Variants in NTN5 observed in about 807,000 individuals in gnomAD.
NTN5 encodes the protein netrin-5.
NTN5 carries 42 observed loss-of-function variants against 38.7 expected under a neutral mutation model. The ratio of observed to expected loss-of-function variants is 1.08; its 90% CI spans 0.85 to 1.40. The LOEUF is 1.40. Among genes scored for constraint, NTN5 ranks in the 40% most tolerant of loss-of-function variants. NTN5 has a pLI of 0.00. For missense variants in NTN5, 658 were observed against 716.5 expected (o/e 0.92, Z 0.93); for synonymous variants, 329 against 303.9 (o/e 1.08, Z -0.86).
chr19:48,663,741 TC>T lies in NTN5; in HGVS notation c.1024+19del, dbSNP rs1308509287. The T allele has an allele frequency of 7.4e-6, 12 of 1,612,844 alleles. No individual in the cohort carries two copies. Among genetic ancestry groups the T allele is most frequent in the Non-Finnish European group, 7.6e-6 (9 of 1,178,980 alleles). ...CATTCCCACTTGCCACTCAGGGACC[TC>T]CGTGCCAGACTGTCTTACCAGAGCT... is the stretch of plus-strand genomic sequence containing the variant. On this transcript the variant is annotated intron_variant, in intron 5 of 6. Coordinates refer to ENST00000270235, the MANE Select transcript of NTN5 (RefSeq NM_145807.4).
chr19:48,671,641 A>T (rs2031964688), intron 1 of NTN5, among the ~76,000 whole-genome samples: 1 of 151,376 alleles, frequency 6.6e-6, no homozygotes, highest in Non-Finnish European at 1.5e-5. Flanking sequence ...GGCCCTGGGG[A>T]GGGGAGGGAA....
At chr19:48,662,149 T>G (rs2031568004) in intron 6 of NTN5, 108 bp from the exon 7 acceptor site, 1 of 1,186,586 alleles carries the variant, frequency 8.4e-7, no homozygotes, top group East Asian at 3.7e-5. Context: ...GTGGGTGGGC[T>G]TCTGGTATCG....
At position 48,670,895 on chromosome 19, in the gene NTN5, G is replaced by A. The variant is rs770996023; in HGVS notation, c.92C>T (p.Pro31Leu). ...CACGGCAGCCAGCTGTGTCACTGGC[G>A]GGAGGCAGAATTGGGGGCGGCCCTG... ...DPQGRPQFCLPPVTQLAAVAA... is the reference protein window; with the variant it reads ...DPQGRPQFCLLPVTQLAAVAA... Residue 31 changes from proline to leucine, a missense_variant, in exon 2 of 7, where the codon CCG (proline) becomes CTG (leucine). Physicochemically the swap from Pro to Leu is moderately conservative, Grantham distance 98 (BLOSUM62 -3). Transcript: ENST00000270235. 21 of 1,608,406 alleles carry A rather than the reference G, an allele frequency of 1.3e-5. No homozygotes were observed. The highest frequency in any genetic ancestry group is 5.3e-5 in the African/African-American group (4 of 74,880).
At chr19:48,669,145 C>T (rs1303851251) in intron 2 of NTN5, among the ~76,000 whole-genome samples, 1 of 116,002 alleles carries the variant, frequency 8.6e-6, no homozygotes, top group South Asian at 2.9e-4. Flanking sequence ...ATATCACCAT[C>T]ATCACCACCA....
intron 6 of NTN5, 86 bp from the exon 7 acceptor site, chr19:48,662,127 A>G (rs2031567146): frequency 1.6e-6 from 2 of 1,278,370 alleles, no homozygotes; most frequent in Non-Finnish European, 2.0e-6. Flanking sequence ...AGTGGGCAGG[A>G]GCCCGAGACC....
intron 2 of NTN5, 69 bp downstream of exon 2, chr19:48,670,287 C>T (rs941303424): frequency 3.9e-5 from 52 of 1,343,372 alleles, no homozygotes; most frequent in Non-Finnish European, 4.7e-5. Flanking sequence ...GAACATCCTG[C>T]TCCCGTAGGG....
intron 6 of NTN5, 144 bp from the exon 7 acceptor site, chr19:48,662,185 T>A: frequency 4.4e-6 from 4 of 907,186 alleles, no homozygotes; most frequent in Non-Finnish European, 6.0e-6. Context: ...CCTTGAACCT[T>A]GGAGAGTTTG....
intron 1 of NTN5, among the ~76,000 whole-genome samples, chr19:48,672,129 A>G (rs1367010142): frequency 6.6e-6 from 1 of 152,124 alleles, no homozygotes; most frequent in African/African-American, 2.4e-5. Context: ...CCCAGAGCAG[A>G]TGGGGGAACA....
At chr19:48,666,901 T>G (rs1052252232) in intron 2 of NTN5, among the ~76,000 whole-genome samples, 1 of 151,974 alleles carries the variant, frequency 6.6e-6, no homozygotes, top group Admixed American at 6.6e-5. Flanking sequence ...CCCAGGCTCA[T>G]GGACACTCTT....
intron 6 of NTN5, 80 bp downstream of exon 6, chr19:48,663,383 A>C: frequency 8.3e-7 from 1 of 1,204,190 alleles, no homozygotes; most frequent in Non-Finnish European, 1.2e-6. Flanking sequence ...AGAAAGTGGA[A>C]GGCCAGAAAG....
chr19:48,669,441 C>T (rs1461597105), intron 2 of NTN5, among the ~76,000 whole-genome samples: 2 of 43,632 alleles, frequency 4.6e-5, no homozygotes, highest in Non-Finnish European at 5.1e-5. Flanking sequence ...ACCACCACCA[C>T]CACCATCACC....
intron 2 of NTN5, among the ~76,000 whole-genome samples, chr19:48,669,513 T>C (rs865860566): frequency 4.2e-4 from 11 of 25,984 alleles, no homozygotes; most frequent in Admixed American, 8.2e-4. Context: ...ACGACCATCA[T>C]CACCACCACC....
At chr19:48,664,408 C>G (rs962450569) in intron 3 of NTN5, 116 bp from the exon 4 acceptor site, 2 of 1,411,220 alleles carry the variant, frequency 1.4e-6, no homozygotes, top group African/African-American at 1.4e-5. Context: ...CCTCTTCCCT[C>G]AGACCCAGGA....
At position 48,669,825 on chromosome 19, in the gene NTN5, C is replaced by T. The variant is rs1390114409; in HGVS notation, c.631+531G>A. 3.6e-3 allele frequency among the ~76,000 whole-genome samples: 456 copies of T among 128,324 alleles called. 5 individuals are homozygous for T. Among genetic ancestry groups the T allele is most frequent in the African/African-American group, 0.01 (354 of 34,784 alleles). The allele number at this position is 128,324 out of a possible 152,430, so 84.2% of individuals were successfully genotyped here. On this transcript the variant is annotated intron_variant, in intron 2 of 6. Coordinates refer to ENST00000270235, the MANE Select transcript of NTN5 (RefSeq NM_145807.4). The stretch of plus-strand genomic sequence containing the variant: ...ACCACCATCATCACCATCACCACCA[C>T]CACCATCACCATCACCACCACTACC...
At chr19:48,669,216 CCACCACCACGACCAT>C (rs2031802606) in intron 2 of NTN5, among the ~76,000 whole-genome samples, 4 of 20,600 alleles carry the variant, frequency 1.9e-4, no homozygotes, top group Non-Finnish European at 3.3e-4. Context: ...ATCACCACCA[CCACCACCACGACCAT>C]CATCACCACC....
chr19:48,671,037 A>G, intron 1 of NTN5, 31 bp from the exon 2 acceptor site: 1 of 1,449,182 alleles, frequency 6.9e-7, no homozygotes, highest in East Asian at 2.4e-5. Flanking sequence ...TGGGCTGGGG[A>G]TCTCAGCCGC....
In NTN5 at chr19:48,670,993, A is replaced by G; in HGVS notation, c.-7T>C. 2.0e-6 allele frequency: 3 copies of G among 1,511,420 alleles called. 1 individual carries two copies. The South Asian group carries it at 4.0e-5, about 20-fold the overall frequency. 93.6% of individuals were successfully genotyped at this position (1,511,420 alleles called of 1,614,324 possible). ...GGGCAAAGGTCACGGGCATGGTCAC[A>G]GCAGAGCCAGCACCTGGAGGGAAGA... On this transcript the variant is annotated 5_prime_UTR_variant, in exon 2 of 7. Coordinates refer to ENST00000270235, the MANE Select transcript of NTN5 (RefSeq NM_145807.4).
At chr19:48,669,603 C>CCAT (rs2031852381) in intron 2 of NTN5, among the ~76,000 whole-genome samples, 1 of 6,176 alleles carries the variant, frequency 1.6e-4, no homozygotes, top group Non-Finnish European at 2.8e-4. Flanking sequence ...ATCACCACCA[C>CCAT]CACCATCATC....
At chr19:48,664,984 C>T (rs1281657654) in intron 2 of NTN5, among the ~76,000 whole-genome samples, 1 of 152,028 alleles carries the variant, frequency 6.6e-6, no homozygotes, top group Admixed American at 6.6e-5. Flanking sequence ...GCGACCTCAG[C>T]TCACTGCAAC....
Sources: gnomAD v4.1 joint callset for allele counts (sites outside exome capture counted in the v4.1 genomes callset) on GRCh38, gnomAD v4.1.1 for gene constraint, MANE v1.5 for transcripts, NCBI Gene and HGNC (gene_info 2026-07-23, HGNC 2026-07-21) for gene names.